Variants in GRB2 observed in about 807,000 individuals in gnomAD.
GRB2 encodes the protein growth factor receptor bound protein 2, also known as growth factor receptor-bound protein 2.
A neutral mutation model predicts 27.4 loss-of-function variants in GRB2; 2 were observed. The observed-to-expected ratio is 0.07, with a 90% CI of 0.03 to 0.23. The LOEUF (loss-of-function observed/expected upper bound fraction) is 0.23. GRB2 is among the 10% of genes least tolerant of loss of function. The pLI, the probability that GRB2 is intolerant of heterozygous loss-of-function variation, is 1.00. For missense variants in GRB2, 102 were observed against 282.4 expected (o/e 0.36, Z 4.58); for synonymous variants, 94 against 99.6 (o/e 0.94, Z 0.33).
At chr17:75,369,259 C>T (rs1238020782) in intron 2 of GRB2, among the ~76,000 whole-genome samples, 3 of 152,108 alleles carry the variant, frequency 2.0e-5, no homozygotes, top group African/African-American at 7.2e-5. Flanking sequence ...TCAACTTACC[C>T]CTAGACATTC....
rs538936547 is a variant in GRB2 at position 75,349,170 on chromosome 17, A to C, written c.79-16373T>G. ...CTTGTATTTTCATTGAGTTTAAATA[A>C]AAGAAGCCATTCTTGTTTAATCCTA... On this transcript the variant is annotated intron_variant, in intron 2 of 5. Transcript: ENST00000316804. Among the ~76,000 whole-genome samples, 9 of 152,342 alleles carry C rather than the reference A, an allele frequency of 5.9e-5. No homozygotes were observed. In the South Asian group the frequency reaches 1.7e-3, roughly 28 times the overall value.
At position 75,320,401 on chromosome 17, in the gene GRB2, G is replaced by A. The variant is rs958131993; in HGVS notation, c.621C>T (p.Arg207=). The part of the protein sequence containing the change: ...ACHGQTGMFP[R]NYVTPVNRNV Reference sequence around the variant, plus strand: ...TCCGGTTCACGGGGGTGACATAATTGCGGGGAAACATGCCGGTCTGCCCGT... The same window carrying A: ...TCCGGTTCACGGGGGTGACATAATTACGGGGAAACATGCCGGTCTGCCCGT... Residue 207 remains arginine, a synonymous_variant, in exon 6 of 6, where the codon CGC becomes CGT. Coordinates refer to ENST00000316804, the MANE Select transcript of GRB2 (RefSeq NM_002086.5). The surrounding 1 kb of genome is among the most constrained non-coding windows in gnomAD (Gnocchi z 4.3). 3.1e-6 allele frequency: 5 copies of A among 1,613,952 alleles called. No individual in the cohort carries two copies. The highest frequency in any genetic ancestry group is 4.2e-6 in the Non-Finnish European group (5 of 1,179,972).
chr17:75,373,400 G>A (rs1406715225), intron 2 of GRB2: 1 of 152,140 alleles, frequency 6.6e-6, no homozygotes, highest in African/African-American at 2.4e-5. Flanking sequence ...CTATCAATAT[G>A]GCTCATGTCT....
At chr17:75,367,296 G>C (rs757025897) in intron 2 of GRB2, among the ~76,000 whole-genome samples, 5 of 151,462 alleles carry the variant, frequency 3.3e-5, no homozygotes, top group Non-Finnish European at 5.9e-5. Context: ...TCAGCCTCTG[G>C]AGTAGTTGAG....
chr17:75,403,435 A>G (rs557437384), intron 1 of GRB2, among the ~76,000 whole-genome samples: 1 of 152,210 alleles, frequency 6.6e-6, no homozygotes, highest in African/African-American at 2.4e-5. Flanking sequence ...AAGCCTCTCA[A>G]ATCTGAATAA....
chr17:75,359,622 C>T (rs929699646), intron 2 of GRB2, among the ~76,000 whole-genome samples: 3 of 152,058 alleles, frequency 2.0e-5, no homozygotes, highest in African/African-American at 7.2e-5. Context: ...TCTCCACCTG[C>T]CAGTCCCTGT....
intron 4 of GRB2, among the ~76,000 whole-genome samples, 182 bp from the exon 5 acceptor site, chr17:75,322,009 C>T (rs1251839988): frequency 6.6e-6 from 1 of 152,174 alleles, no homozygotes; most frequent in Admixed American, 6.5e-5. Flanking sequence ...GAATGATGGG[C>T]ACCAGGACAA....
intron 2 of GRB2, among the ~76,000 whole-genome samples, chr17:75,387,958 A>C (rs1460027444): frequency 5.3e-5 from 8 of 152,200 alleles, no homozygotes; most frequent in Admixed American, 5.2e-4. Flanking sequence ...TCTCCCAAAA[A>C]GAATCTTTTA....
intron 2 of GRB2, among the ~76,000 whole-genome samples, chr17:75,348,521 A>C (rs889678540): frequency 1.3e-5 from 2 of 152,190 alleles, no homozygotes; most frequent in Non-Finnish European, 2.9e-5. Context: ...GAAGCTGAAA[A>C]GGGAATAAGA....
intron 2 of GRB2, among the ~76,000 whole-genome samples, chr17:75,340,512 G>A (rs556448004): frequency 6.6e-6 from 1 of 152,302 alleles, no homozygotes; most frequent in South Asian, 2.1e-4. Context: ...TCCTAGAAAA[G>A]AGAAAACACA....
chr17:75,368,538 G>T (rs112314552), intron 2 of GRB2, among the ~76,000 whole-genome samples: 73 of 145,230 alleles, frequency 5.0e-4, no homozygotes, highest in Admixed American at 1.6e-3. Flanking sequence ...TTTTTTTTTT[G>T]TTGTTTTTTT....
chr17:75,401,216 C>T (rs919935246), intron 1 of GRB2, among the ~76,000 whole-genome samples: 3 of 151,790 alleles, frequency 2.0e-5, no homozygotes, highest in Non-Finnish European at 2.9e-5. Context: ...GAGGCCGAGG[C>T]GGGTGGATCA....
chr17:75,381,977 C>A (rs2078931951), intron 2 of GRB2, among the ~76,000 whole-genome samples: 1 of 151,966 alleles, frequency 6.6e-6, no homozygotes, highest in African/African-American at 2.4e-5. Flanking sequence ...GTAATCCCAG[C>A]ACTTTGGGAG....
intron 3 of GRB2, among the ~76,000 whole-genome samples, chr17:75,328,621 A>T (rs1463809414): frequency 6.8e-6 from 1 of 146,952 alleles, no homozygotes; most frequent in Non-Finnish European, 1.5e-5. Flanking sequence ...CAGCCTGGGC[A>T]ACAAGAGTGA....
At chr17:75,391,338 A>C (rs1009079610) in intron 2 of GRB2, among the ~76,000 whole-genome samples, 2 of 152,134 alleles carry the variant, frequency 1.3e-5, no homozygotes, top group Admixed American at 6.5e-5. Context: ...CCTCCATAAT[A>C]AAAATTTCTG....
chr17:75,385,398 A>G (rs899034785), intron 2 of GRB2, among the ~76,000 whole-genome samples: 5 of 152,100 alleles, frequency 3.3e-5, no homozygotes, highest in African/African-American at 9.7e-5. Context: ...TTAGCTGGGC[A>G]TGGTGGTAGA....
At chr17:75,362,206 G>T (rs1213851754) in intron 2 of GRB2, among the ~76,000 whole-genome samples, 1 of 152,176 alleles carries the variant, frequency 6.6e-6, no homozygotes, top group East Asian at 1.9e-4. Flanking sequence ...TCAAAGGGGA[G>T]AGCCCCATAT....
intron 1 of GRB2, among the ~76,000 whole-genome samples, chr17:75,404,010 G>A (rs2079081263): frequency 6.6e-6 from 1 of 151,840 alleles, no homozygotes; most frequent in Admixed American, 6.6e-5. Context: ...CTACTCGGGA[G>A]GCTGAGGCAG....
chr17:75,368,786 T>G (rs1226739376), intron 2 of GRB2, among the ~76,000 whole-genome samples: 1 of 151,530 alleles, frequency 6.6e-6, no homozygotes, highest in Admixed American at 6.6e-5. Flanking sequence ...GCTCAAATGA[T>G]TCTCCTGCCT....
Sources: gnomAD v4.1 joint callset for allele counts (sites outside exome capture counted in the v4.1 genomes callset) on GRCh38, gnomAD v4.1.1 for gene constraint, Gnocchi (gnomAD v3.1) non-coding constraint, MANE v1.5 for transcripts, NCBI Gene and HGNC (gene_info 2026-07-23, HGNC 2026-07-21) for gene names.